FIRRM: variants seen among roughly 807,000 people sequenced by gnomAD.
FIRRM encodes FIGNL1 interacting regulator of recombination and mitosis, also known as FIGNL1-interacting regulator of recombination and mitosis.
At chr1:169,843,587 A>AT in the FIRRM span, 4 of 764,476 alleles carry the variant, frequency 5.2e-6, no homozygotes, top group Non-Finnish European at 9.1e-6. Context: ...ATATTACCTG[A>AT]TATATAATAA....
chr1:169,823,502 T>TA, the FIRRM span: 2 of 1,413,910 alleles, frequency 1.4e-6, no homozygotes, highest in Non-Finnish European at 2.0e-6. Flanking sequence ...ATTATTAAGA[T>TA]ACAACAATGC....
chr1:169,835,444 T>C, the FIRRM span, among the ~76,000 whole-genome samples: 1 of 152,222 alleles, frequency 6.6e-6, no homozygotes, highest in African/African-American at 2.4e-5. Flanking sequence ...TAATATGCCT[T>C]ATCTAAGCAC....
At chr1:169,844,577 T>C in the FIRRM span, among the ~76,000 whole-genome samples, 1 of 152,334 alleles carries the variant, frequency 6.6e-6, no homozygotes, top group East Asian at 1.9e-4. Context: ...TTTTAGTAGC[T>C]GTTTTTAATG....
chr1:169,785,605 T>C, the FIRRM span, among the ~76,000 whole-genome samples: 2 of 152,082 alleles, frequency 1.3e-5, no homozygotes, highest in African/African-American at 4.8e-5. Flanking sequence ...ATGCTCCTCT[T>C]CTCTCCTTCT....
chr1:169,800,763 G>A, the FIRRM span: 1 of 326,212 alleles, frequency 3.1e-6, no homozygotes, highest in South Asian at 4.1e-5. Flanking sequence ...TGTATAGAAT[G>A]TGGTATTTTG....
chr1:169,823,259 A>AAAAG, the FIRRM span: 11 of 496,988 alleles, frequency 2.2e-5, no homozygotes, highest in Non-Finnish European at 3.5e-5. Flanking sequence ...TCAAAAAAAA[A>AAAAG]AAAAGAAAAG....
the FIRRM span, chr1:169,849,793 G>C: frequency 2.1e-5 from 12 of 576,108 alleles, no homozygotes; most frequent in Non-Finnish European, 3.1e-5. Flanking sequence ...AGTGAATTTC[G>C]TAAGGTCCTC....
the FIRRM span, chr1:169,808,021 A>T: frequency 8.1e-7 from 1 of 1,230,342 alleles, no homozygotes; most frequent in Non-Finnish European, 1.1e-6. Flanking sequence ...CAGTCTATTT[A>T]AGAGGATTTT....
chr1:169,842,585 T>A, the FIRRM span: 19 of 1,589,108 alleles, frequency 1.2e-5, no homozygotes, highest in Admixed American at 1.5e-4. Flanking sequence ...ATAGAAAATA[T>A]CAAAAAAAGA....
At chr1:169,804,776 G>A in the FIRRM span, among the ~76,000 whole-genome samples, 48 of 152,066 alleles carry the variant, frequency 3.2e-4, no homozygotes, top group African/African-American at 1.0e-3. Flanking sequence ...CTCGCCTCCC[G>A]GACTCAAGCG....
At chr1:169,839,898 T>G in the FIRRM span, among the ~76,000 whole-genome samples, 5 of 152,226 alleles carry the variant, frequency 3.3e-5, no homozygotes, top group Admixed American at 3.3e-4. Flanking sequence ...AGTTAATTTT[T>G]GTATATGCTG....
chr1:169,837,647 A>G, the FIRRM span, among the ~76,000 whole-genome samples: 1 of 152,208 alleles, frequency 6.6e-6, no homozygotes, highest in Non-Finnish European at 1.5e-5. Flanking sequence ...CATTCAACAA[A>G]TATATTTGGA....
the FIRRM span, chr1:169,830,163 T>C: frequency 3.7e-5 from 38 of 1,037,906 alleles, no homozygotes; most frequent in Non-Finnish European, 5.3e-5. Flanking sequence ...ATTTGGATTC[T>C]GATAGTGCTT....
chr1:169,830,153 A>C, the FIRRM span: 1 of 915,592 alleles, frequency 1.1e-6, no homozygotes, highest in Non-Finnish European at 1.6e-6. Flanking sequence ...AGGATCTGTT[A>C]TTTGGATTCT....
chr1:169,795,331 C>A, the FIRRM span: 1 of 1,413,612 alleles, frequency 7.1e-7, no homozygotes, highest in Non-Finnish European at 9.4e-7. Context: ...GGCCTGAACC[C>A]CCTCTTTTCT....
the FIRRM span, chr1:169,792,568 G>C: frequency 9.2e-6 from 14 of 1,513,640 alleles, no homozygotes; most frequent in Non-Finnish European, 9.7e-6. Context: ...GATACTCAGT[G>C]AATGTTAATT....
At chr1:169,833,258 C>T in the FIRRM span, among the ~76,000 whole-genome samples, 1 of 152,154 alleles carries the variant, frequency 6.6e-6, no homozygotes, top group Non-Finnish European at 1.5e-5. Context: ...AGTTCCTGGA[C>T]TCTAATCTGT....
At chr1:169,789,194 T>C in the FIRRM span, among the ~76,000 whole-genome samples, 9 of 152,242 alleles carry the variant, frequency 5.9e-5, no homozygotes, top group Non-Finnish European at 1.3e-4. Context: ...AAATTCAAAA[T>C]GTCCCAGCTG....
chr1:169,829,671 A>G, the FIRRM span, among the ~76,000 whole-genome samples: 13 of 152,326 alleles, frequency 8.5e-5, no homozygotes, highest in South Asian at 2.7e-3. Flanking sequence ...GGAGGTATGC[A>G]AAGACAATGT....
Sources: gnomAD v4.1 joint callset for allele counts (sites outside exome capture counted in the v4.1 genomes callset) on GRCh38, gnomAD v4.1.1 for gene constraint, MANE v1.5 for transcripts, NCBI Gene and HGNC (gene_info 2026-07-23, HGNC 2026-07-21) for gene names.